Variants in PRDM5 observed in about 807,000 individuals in gnomAD.
PRDM5 encodes PR/SET domain 5, also known as PR domain zinc finger protein 5.
Under a neutral mutation model 81.2 loss-of-function variants are expected in PRDM5, and 56 were observed. The observed-to-expected ratio is 0.69, with a 90% CI of 0.56 to 0.86. The LOEUF is 0.86. PRDM5 is among the 40% of genes least tolerant of loss of function. The pLI is 0.00. For missense variants in PRDM5, 697 were observed against 770.1 expected, an observed-to-expected ratio of 0.91 and a Z score of 1.12; for synonymous variants, 267 against 256.4, an observed-to-expected ratio of 1.04 and a Z score of -0.39.
chr4:120,903,675 A>G (rs1765447732), intron 2 of PRDM5, among the ~76,000 whole-genome samples: 1 of 152,170 alleles, frequency 6.6e-6, no homozygotes, highest in Non-Finnish European at 1.5e-5. Flanking sequence ...CCATGTGTAA[A>G]TGGCAGGGCC....
intron 1 of PRDM5, among the ~76,000 whole-genome samples, chr4:120,918,635 A>ATTTTTT (rs534148936): frequency 9.9e-5 from 11 of 110,712 alleles, no homozygotes; most frequent in East Asian, 7.8e-4. Context: ...TACGTCAGGT[A>ATTTTTT]TTTTTTTTTT....
intron 2 of PRDM5, among the ~76,000 whole-genome samples, chr4:120,860,853 T>C (rs1396606925): frequency 1.3e-5 from 2 of 152,200 alleles, no homozygotes; most frequent in African/African-American, 4.8e-5. Flanking sequence ...AAGGCCAGCA[T>C]GTCTTCTGAC....
chr4:120,826,933 A>G (rs1442461692), intron 3 of PRDM5, among the ~76,000 whole-genome samples: 1 of 152,174 alleles, frequency 6.6e-6, no homozygotes, highest in African/African-American at 2.4e-5. Context: ...GATTCGAAAC[A>G]AAACACTAAC....
intron 3 of PRDM5, chr4:120,837,992 T>C (rs977679640): frequency 6.6e-6 from 1 of 152,220 alleles, no homozygotes; most frequent in Non-Finnish European, 1.5e-5. Context: ...TACGAACTCA[T>C]AGACACACTA....
chr4:120,746,670 A>C (rs1016500174), intron 14 of PRDM5, among the ~76,000 whole-genome samples: 29 of 147,880 alleles, frequency 2.0e-4, no homozygotes, highest in Admixed American at 8.2e-4. Context: ...GCAGCCAAAA[A>C]ACACATGAAA....
intron 14 of PRDM5, among the ~76,000 whole-genome samples, chr4:120,741,599 G>T (rs1407550160): frequency 6.6e-6 from 1 of 152,024 alleles, no homozygotes; most frequent in Non-Finnish European, 1.5e-5. Flanking sequence ...GCAGGGCCAG[G>T]CATTGCCTCA....
chr4:120,744,712 T>G lies in PRDM5; in HGVS notation c.1623+9841A>C, dbSNP rs897696074. 4.0e-5 allele frequency among the ~76,000 whole-genome samples: 6 copies of G among 150,444 alleles called. No homozygotes were observed. The South Asian group carries it at 1.3e-3, about 32-fold the overall frequency. ...TGGATAAATTCCTTGACACATACAC[T>G]CTCCCAAGACTAAACCAGGAAGAAG... is the stretch of plus-strand genomic sequence containing the variant. On this transcript the variant is annotated intron_variant, in intron 14 of 15. Coordinates refer to ENST00000264808, the MANE Select transcript of PRDM5 (RefSeq NM_018699.4).
At chr4:120,916,447 T>C (rs1272062949) in intron 1 of PRDM5, among the ~76,000 whole-genome samples, 1 of 151,964 alleles carries the variant, frequency 6.6e-6, no homozygotes, top group Non-Finnish European at 1.5e-5. Flanking sequence ...TGGTAAAAAG[T>C]AGAGGTACAT....
At chr4:120,760,817 T>A (rs985386534) in intron 13 of PRDM5, among the ~76,000 whole-genome samples, 7 of 152,086 alleles carry the variant, frequency 4.6e-5, no homozygotes, top group African/African-American at 1.4e-4. Flanking sequence ...TTGCAAATAG[T>A]TTCACAAAAT....
chr4:120,721,895 C>T (rs942763854), intron 14 of PRDM5, among the ~76,000 whole-genome samples: 2 of 152,174 alleles, frequency 1.3e-5, no homozygotes, highest in African/African-American at 4.8e-5. Context: ...TATAATTGCC[C>T]TGTTGACAGG....
chr4:120,741,973 C>T lies in PRDM5; in HGVS notation c.1623+12580G>A, dbSNP rs539713795. On this transcript the variant is annotated intron_variant, in intron 14 of 15. Transcript: ENST00000264808. ...CCTCTGTAGGCTCCACCTCTAGGGG[C>T]AGGGCACAGACAAACAAAAAGATAG... Among the ~76,000 whole-genome samples, 515 of 152,338 alleles carry T rather than the reference C, an allele frequency of 3.4e-3. 2 individuals carry two copies. The highest frequency in any genetic ancestry group is 0.011 in the African/African-American group (477 of 41,586).
At chr4:120,764,062 G>A (rs1746023545) in intron 13 of PRDM5, among the ~76,000 whole-genome samples, 1 of 151,964 alleles carries the variant, frequency 6.6e-6, no homozygotes, top group South Asian at 2.1e-4. Context: ...GCACAAATTA[G>A]GGGAAATCAA....
downstream of PRDM5, among the ~76,000 whole-genome samples, chr4:120,689,040 C>T (rs1378281913): frequency 6.6e-6 from 1 of 152,132 alleles, no homozygotes; most frequent in Non-Finnish European, 1.5e-5. Context: ...CTGTGGTAAA[C>T]AACAAGTCAT....
intron 14 of PRDM5, among the ~76,000 whole-genome samples, chr4:120,725,625 C>G (rs1739285106): frequency 6.6e-6 from 1 of 152,130 alleles, no homozygotes; most frequent in Non-Finnish European, 1.5e-5. Flanking sequence ...CCAGGACTAG[C>G]CTGGTTTTAG....
intron 15 of PRDM5, among the ~76,000 whole-genome samples, chr4:120,706,718 T>C (rs973691579): frequency 4.4e-4 from 27 of 61,896 alleles, no homozygotes; most frequent in Admixed American, 1.2e-3. Context: ...GTTTTATATA[T>C]ATATATATAA....
At chr4:120,726,457 G>T (rs556912246) in intron 14 of PRDM5, among the ~76,000 whole-genome samples, 1 of 152,294 alleles carries the variant, frequency 6.6e-6, no homozygotes, top group African/African-American at 2.4e-5. Flanking sequence ...TGCCTTCAGA[G>T]AATGTTAACC....
At chr4:120,740,090 A>T (rs947967664) in intron 14 of PRDM5, among the ~76,000 whole-genome samples, 4 of 152,226 alleles carry the variant, frequency 2.6e-5, no homozygotes, top group Admixed American at 2.6e-4. Context: ...GGAGCCAAAT[A>T]AAATACAACG....
At chr4:120,914,968 T>C (rs1229376378) in intron 1 of PRDM5, among the ~76,000 whole-genome samples, 2 of 152,076 alleles carry the variant, frequency 1.3e-5, no homozygotes, top group East Asian at 3.9e-4. Context: ...CACAAAGGCA[T>C]ACAGAGTGGT....
At chr4:120,861,590 G>A (rs1394984629) in intron 2 of PRDM5, among the ~76,000 whole-genome samples, 1 of 151,948 alleles carries the variant, frequency 6.6e-6, no homozygotes, top group Non-Finnish European at 1.5e-5. Flanking sequence ...TTGAGGTCAG[G>A]AATTTGAGAC....
Sources: allele counts gnomAD v4.1 joint callset (sites outside exome capture counted in the v4.1 genomes callset), GRCh38; gene constraint gnomAD v4.1.1; transcripts MANE v1.5; gene names NCBI Gene and HGNC (gene_info 2026-07-23, HGNC 2026-07-21).